NRG1: variants seen among roughly 807,000 people sequenced by gnomAD.
NRG1 encodes neuregulin 1, also known as pro-neuregulin-1, membrane-bound isoform.
In NRG1, 18 loss-of-function variants were observed where a neutral mutation model predicts 63.8. That is an observed-to-expected ratio of 0.28 (90% CI 0.19 to 0.42). The LOEUF is 0.42. Among genes scored for constraint, NRG1 ranks in the 10% least tolerant of loss-of-function variants. The probability of loss-of-function intolerance (pLI) is 1.00; values close to 1 mark genes in which losing one functional copy is unlikely to be tolerated. For synonymous variants in NRG1, 302 were observed against 301.3 expected (o/e 1.00, Z -0.02); for missense variants, 762 against 814.7 (o/e 0.94, Z 0.79).
intron 1 of NRG1, among the ~76,000 whole-genome samples, chr8:32,220,575 A>T (rs1845705908): frequency 6.6e-6 from 1 of 152,218 alleles, no homozygotes; most frequent in Non-Finnish European, 1.5e-5. Context: ...GGGGAGAAAT[A>T]AACACGCTGG....
chr8:32,074,023 G>T (rs1376145904), intron 1 of NRG1, among the ~76,000 whole-genome samples: 1 of 152,094 alleles, frequency 6.6e-6, no homozygotes, highest in African/African-American at 2.4e-5. Flanking sequence ...ACAACCTCTA[G>T]AAAGTTAATT....
intron 5 of NRG1, among the ~76,000 whole-genome samples, chr8:32,701,330 A>G (rs953193651): frequency 5.3e-5 from 8 of 152,154 alleles, no homozygotes; most frequent in African/African-American, 1.7e-4. Flanking sequence ...TTATTTTGTT[A>G]TGACTGTGAC....
chr8:32,216,675 T>G (rs1845259574), intron 1 of NRG1, among the ~76,000 whole-genome samples: 1 of 149,932 alleles, frequency 6.7e-6, no homozygotes, highest in Non-Finnish European at 1.5e-5. Flanking sequence ...GCAGAGTGTT[T>G]ATATTAAATA....
chr8:31,968,918 G>A (rs1397324661), intron 1 of NRG1, among the ~76,000 whole-genome samples: 1 of 152,204 alleles, frequency 6.6e-6, no homozygotes, highest in African/African-American at 2.4e-5. Flanking sequence ...TCACTTGCAT[G>A]TAAGAATGCA....
rs117319971 is a variant in NRG1, at chr8:31,727,862, C to T, written c.37+88431C>T. On this transcript the variant is annotated intron_variant, in intron 1 of 10. Coordinates refer to the NRG1 transcript ENST00000519301. ...TAAAACAATTGTAACAGTATACCAA[C>T]ATCACTGCTCTTGTACTTCGAGGCC... Among the ~76,000 whole-genome samples, 587 of 152,230 alleles carry T rather than the reference C, an allele frequency of 3.9e-3. 1 individual carries two copies. The highest frequency in any genetic ancestry group is 0.019 in the South Asian group (91 of 4,820).
chr8:32,058,376 T>G (rs780250093), intron 1 of NRG1, among the ~76,000 whole-genome samples: 7 of 152,010 alleles, frequency 4.6e-5, no homozygotes, highest in Non-Finnish European at 1.0e-4. Context: ...AACACATGCA[T>G]TGCACACAGG....
chr8:32,003,160 T>C (rs327334), intron 1 of NRG1, among the ~76,000 whole-genome samples: 113,274 of 151,972 alleles, frequency 0.75, 42,753 homozygotes, highest in Non-Finnish European at 0.8. Flanking sequence ...ATTTGTGATA[T>C]AGTTATATTC....
At chr8:32,383,115 A>G (rs7818265) in intron 1 of NRG1, among the ~76,000 whole-genome samples, 35,525 of 151,564 alleles carry the variant, frequency 0.23, 4,869 homozygotes, top group Middle Eastern at 0.37. Context: ...AGTCACAGCT[A>G]CTCAGGAGGC....
At chr8:32,645,001 G>A (rs1354064006) in intron 5 of NRG1, among the ~76,000 whole-genome samples, 1 of 152,112 alleles carries the variant, frequency 6.6e-6, no homozygotes, top group Non-Finnish European at 1.5e-5. Context: ...TGGATGAAAT[G>A]CTGGTGTATT....
At chr8:32,391,373 T>C (rs1811752475) in intron 1 of NRG1, among the ~76,000 whole-genome samples, 1 of 152,166 alleles carries the variant, frequency 6.6e-6, no homozygotes, top group Admixed American at 6.5e-5. Context: ...TTTTGACTTT[T>C]ATTTTAGGTT....
At chr8:32,497,915 C>T (rs1181905885) in intron 1 of NRG1, among the ~76,000 whole-genome samples, 1 of 152,182 alleles carries the variant, frequency 6.6e-6, no homozygotes, top group East Asian at 1.9e-4. Context: ...CCTCCCCTTC[C>T]CGGGTTCAAG....
At chr8:32,347,790 G>C (rs1442298376) in intron 1 of NRG1, among the ~76,000 whole-genome samples, 1 of 152,192 alleles carries the variant, frequency 6.6e-6, no homozygotes, top group Non-Finnish European at 1.5e-5. Flanking sequence ...CATGCTGTGA[G>C]GGTGATGAGG....
chr8:32,541,296 G>A (rs1261634011), intron 1 of NRG1, among the ~76,000 whole-genome samples: 1 of 152,118 alleles, frequency 6.6e-6, no homozygotes, highest in African/African-American at 2.4e-5. Flanking sequence ...AAGATTTAGT[G>A]AGGAAGTTAG....
At chr8:31,791,401 G>A (rs1043929012) in intron 1 of NRG1, among the ~76,000 whole-genome samples, 4 of 152,094 alleles carry the variant, frequency 2.6e-5, no homozygotes, top group African/African-American at 7.2e-5. Flanking sequence ...CATTAGTACT[G>A]TCTGCTATAT....
rs1042979648 is a variant in NRG1 at position 31,692,482 on chromosome 8, A to T, written c.37+53051A>T. Among the ~76,000 whole-genome samples, 3 of 152,204 alleles carry T rather than the reference A, an allele frequency of 2.0e-5. No homozygotes were observed. The East Asian group carries it at 5.8e-4, about 29-fold the overall frequency. On this transcript the variant is annotated intron_variant, in intron 1 of 10. Transcript: ENST00000519301. Reference sequence around the variant, plus strand: ...AAAACACTTATATAAATATACATATAAACAGTTTAGTTGAGAAAATATAAG... The same window carrying T: ...AAAACACTTATATAAATATACATATTAACAGTTTAGTTGAGAAAATATAAG...
chr8:32,210,350 T>G (rs186978635), intron 1 of NRG1, among the ~76,000 whole-genome samples: 2 of 152,298 alleles, frequency 1.3e-5, no homozygotes, highest in East Asian at 3.9e-4. Flanking sequence ...CACATCATAT[T>G]GCCTCCAGAA....
At chr8:32,272,145 G>T (rs979778810) in intron 1 of NRG1, among the ~76,000 whole-genome samples, 2 of 152,132 alleles carry the variant, frequency 1.3e-5, no homozygotes, top group African/African-American at 4.8e-5. Flanking sequence ...CTTAAACAAA[G>T]ACATTTGTTT....
chr8:32,011,877 G>T (rs1814818514), intron 1 of NRG1, among the ~76,000 whole-genome samples: 1 of 152,100 alleles, frequency 6.6e-6, no homozygotes, highest in Admixed American at 6.6e-5. Flanking sequence ...TTTTAAGTGA[G>T]CTTTTGTTTT....
intron 1 of NRG1, among the ~76,000 whole-genome samples, chr8:31,854,213 T>G (rs1485303324): frequency 6.6e-6 from 1 of 151,548 alleles, no homozygotes; most frequent in Non-Finnish European, 1.5e-5. Flanking sequence ...GTACCTCTGG[T>G]AGAATTCGGC....
Sources: gnomAD v4.1 joint callset for allele counts (sites outside exome capture counted in the v4.1 genomes callset) on GRCh38, gnomAD v4.1.1 for gene constraint, MANE v1.5 for transcripts, NCBI Gene and HGNC (gene_info 2026-07-23, HGNC 2026-07-21) for gene names.